The following CDKN2B-AS1 variants were observed in gnomAD, a reference collection of about 807,000 sequenced individuals.
CDKN2B-AS1 encodes CDKN2B and CDKN2A antisense cis and trans regulatory RNA 1.
In CDKN2B-AS1 at chr9:22,039,012, A is replaced by T. The variant is rs1822799615; in HGVS notation, n.30-7739A>T. Among the ~76,000 whole-genome samples, 1 of 151,756 alleles carries T rather than the reference A, an allele frequency of 6.6e-6. No homozygotes were observed. Among genetic ancestry groups the T allele is most frequent in the African/African-American group, 2.4e-5 (1 of 41,316 alleles). ...GAAAATTTCCAGTTAGGACATGGAA[A>T]TTTTTTCCTTGTCAATATTTATTCT... On this transcript the variant is annotated intron_variant and non_coding_transcript_variant, in intron 1 of 4. Transcript: ENST00000650946. The surrounding 1 kb of genome is among the most constrained non-coding windows in gnomAD (Gnocchi z 4.4).
In CDKN2B-AS1 at chr9:21,997,301, A is replaced by C. The variant is rs1292571170; in HGVS notation, n.29+2140A>C. Among the ~76,000 whole-genome samples the C allele has an allele frequency of 6.6e-6, 1 of 152,236 alleles. No homozygotes were observed. Among genetic ancestry groups the C allele is most frequent in the Non-Finnish European group, 1.5e-5 (1 of 68,044 alleles). On this transcript the variant is annotated intron_variant and non_coding_transcript_variant, in intron 1 of 4. Transcript: ENST00000650946. This position sits in a 1 kb window ranked among gnomAD's most constrained non-coding sequence, Gnocchi z 4.8. The stretch of plus-strand genomic sequence containing the variant: ...GCTACAACTTTAGGACAGCTATGAC[A>C]TCACTAGGGGATAGGAATTTTTCAC...
At chr9:22,038,149 A>G (rs950445388) in intron 1 of CDKN2B-AS1, among the ~76,000 whole-genome samples, 6 of 152,080 alleles carry the variant, frequency 3.9e-5, no homozygotes, top group Admixed American at 2.6e-4. Flanking sequence ...GGGAGAAAAT[A>G]CTTTTATATT....
At chr9:22,009,043 G>A in intron 1 of CDKN2B-AS1, 4 of 1,576,222 alleles carry the variant, frequency 2.5e-6, no homozygotes, top group African/African-American at 1.3e-5. Flanking sequence ...ACGCTGCTCC[G>A]GCGCACTCTC....
At chr9:22,078,997 G>A (rs1282619482) in intron 4 of CDKN2B-AS1, among the ~76,000 whole-genome samples, 2 of 152,170 alleles carry the variant, frequency 1.3e-5, no homozygotes, top group Non-Finnish European at 2.9e-5. Flanking sequence ...CATTATGGAA[G>A]CCTTATCAGA....
chr9:22,063,759 C>T (rs752026372), intron 4 of CDKN2B-AS1, among the ~76,000 whole-genome samples: 21 of 152,156 alleles, frequency 1.4e-4, no homozygotes, highest in Admixed American at 3.3e-4. Flanking sequence ...TGTGAGGAAA[C>T]GAAGACCCCG....
intron 4 of CDKN2B-AS1, among the ~76,000 whole-genome samples, chr9:22,123,830 T>C (rs952200339): frequency 2.6e-5 from 4 of 152,190 alleles, no homozygotes; most frequent in Non-Finnish European, 4.4e-5. Context: ...GAAGACATTC[T>C]AAAATCAACT....
chr9:22,113,208 A>G (rs757338900), intron 4 of CDKN2B-AS1, among the ~76,000 whole-genome samples: 4 of 152,192 alleles, frequency 2.6e-5, no homozygotes, highest in East Asian at 1.9e-4. Context: ...AGTTCTCCCA[A>G]GCTGGAGCCT....
chr9:22,095,344 T>C (rs542581034), intron 4 of CDKN2B-AS1, among the ~76,000 whole-genome samples: 1 of 144,882 alleles, frequency 6.9e-6, no homozygotes, highest in South Asian at 2.1e-4. Flanking sequence ...TTCATTTTGT[T>C]ATGTACCCAG....
chr9:22,099,482 T>C (rs915249015), intron 4 of CDKN2B-AS1, among the ~76,000 whole-genome samples: 2 of 152,208 alleles, frequency 1.3e-5, no homozygotes, highest in African/African-American at 4.8e-5. Context: ...TTTTCTTGTT[T>C]TTAGATGCAC....
intron 4 of CDKN2B-AS1, among the ~76,000 whole-genome samples, chr9:22,071,285 CTTTTTTTTTTTT>C (rs71336509): frequency 2.7e-4 from 18 of 67,572 alleles, no homozygotes; most frequent in African/African-American, 7.0e-4. Context: ...AAATATCTAG[CTTTTTTTTTTTT>C]TTTTTTTTTT....
At chr9:22,036,009 A>G (rs1452791719) in intron 1 of CDKN2B-AS1, among the ~76,000 whole-genome samples, 1 of 152,092 alleles carries the variant, frequency 6.6e-6, no homozygotes, top group Non-Finnish European at 1.5e-5. Context: ...AGTTTCCACT[A>G]TTGGAAGGGA....
chr9:22,102,041 G>C (rs540827575), intron 4 of CDKN2B-AS1, among the ~76,000 whole-genome samples: 1 of 152,300 alleles, frequency 6.6e-6, no homozygotes, highest in South Asian at 2.1e-4. Context: ...TGCCCACAGA[G>C]TGCTGTTTGC....
chr9:21,999,199 C>G lies in CDKN2B-AS1; in HGVS notation n.29+4038C>G, dbSNP rs1041306089. 1.3e-5 allele frequency among the ~76,000 whole-genome samples: 2 copies of G among 151,830 alleles called. No homozygotes were observed. The highest frequency in any genetic ancestry group is 4.8e-5 in the African/African-American group (2 of 41,372). The stretch of plus-strand genomic sequence containing the variant: ...GAAAGGCAGCATTACAATATCTAGT[C>G]AAAACTGTATGAGAATATAGGTACC... On this transcript the variant is annotated intron_variant and non_coding_transcript_variant, in intron 1 of 4. Transcript: ENST00000650946. The surrounding 1 kb of genome is among the most constrained non-coding windows in gnomAD (Gnocchi z 4.7).
intron 1 of CDKN2B-AS1, among the ~76,000 whole-genome samples, chr9:22,015,394 T>A (rs1167066332): frequency 3.9e-5 from 6 of 152,208 alleles, no homozygotes; most frequent in Non-Finnish European, 8.8e-5. Context: ...AGGAAGTTTT[T>A]AAATCAGGTA....
At chr9:22,126,804 C>G (rs777511611) in intron 4 of CDKN2B-AS1, among the ~76,000 whole-genome samples, 17 of 152,106 alleles carry the variant, frequency 1.1e-4, no homozygotes, top group Admixed American at 5.2e-4. Context: ...GATCTCCTGA[C>G]CTCGTGATCA....
chr9:22,027,556 A>T (rs986949073), intron 1 of CDKN2B-AS1, among the ~76,000 whole-genome samples: 8 of 152,216 alleles, frequency 5.3e-5, no homozygotes, highest in African/African-American at 1.9e-4. Context: ...AACATCCAAA[A>T]ATAATGACCT....
At chr9:22,045,435 A>T (rs1319874006) in intron 1 of CDKN2B-AS1, among the ~76,000 whole-genome samples, 1 of 152,116 alleles carries the variant, frequency 6.6e-6, no homozygotes, top group East Asian at 1.9e-4. Flanking sequence ...CCAGCACATC[A>T]TCACTATAAC....
chr9:22,017,241 A>G lies in CDKN2B-AS1; in HGVS notation n.29+22080A>G, dbSNP rs533546918. Among the ~76,000 whole-genome samples, 55 of 152,342 alleles carry G rather than the reference A, an allele frequency of 3.6e-4. No homozygotes were observed. In the East Asian group the frequency reaches 0.011, roughly 29 times the overall value. ...GGAGTTCGAGACCAGCCTGGCCAAT[A>G]TGGTGAAACCCCATCTCTACTAAAA... On this transcript the variant is annotated intron_variant and non_coding_transcript_variant, in intron 1 of 4. Transcript: ENST00000650946.
intron 3 of CDKN2B-AS1, among the ~76,000 whole-genome samples, chr9:22,055,997 C>G (rs866390953): frequency 2.0e-5 from 3 of 150,748 alleles, no homozygotes; most frequent in African/African-American, 2.4e-5. Flanking sequence ...AAATACGTTA[C>G]AAAGTTGATA....
Sources: allele counts gnomAD v4.1 joint callset (sites outside exome capture counted in the v4.1 genomes callset), GRCh38; gene constraint gnomAD v4.1.1; non-coding constraint Gnocchi (gnomAD v3.1); transcripts MANE v1.5; gene names NCBI Gene and HGNC (gene_info 2026-07-23, HGNC 2026-07-21).